ERMP1: variants seen among roughly 807,000 people sequenced by gnomAD.
The protein encoded by ERMP1 is Felix-ina.
Under a neutral mutation model 92.0 loss-of-function variants are expected in ERMP1, and 86 were observed. The observed-to-expected ratio is 0.93, with a 90% CI of 0.79 to 1.12. The LOEUF is 1.12. ERMP1 is among the 50% of genes most tolerant of loss of function. The probability of loss-of-function intolerance (pLI) is 0.00; values close to 1 mark genes in which losing one functional copy is unlikely to be tolerated. For synonymous variants in ERMP1, 530 were observed against 412.8 expected (o/e 1.28, Z -3.44); for missense variants, 1,342 against 1,116.3 (o/e 1.20, Z -2.88).
chr9:5,852,040 A>T (rs917628829), intron 6 of ERMP1, among the ~76,000 whole-genome samples: 2 of 152,200 alleles, frequency 1.3e-5, no homozygotes, highest in Admixed American at 6.5e-5. Context: ...GATTATATAG[A>T]CGTTTATGTC....
chr9:5,788,422 AGAAG>A (rs749563780), intron 13 of ERMP1, among the ~76,000 whole-genome samples: 6 of 152,230 alleles, frequency 3.9e-5, no homozygotes, highest in South Asian at 2.1e-4. Flanking sequence ...AAAATAAAAA[AGAAG>A]GAAGAGGAAT....
chr9:5,821,335 C>A (rs1563766592), intron 4 of ERMP1, among the ~76,000 whole-genome samples: 1 of 152,168 alleles, frequency 6.6e-6, no homozygotes, highest in Non-Finnish European at 1.5e-5. Context: ...TCACACACAG[C>A]CCAGTTCTAC....
chr9:5,808,264 A>G (rs988740829), intron 8 of ERMP1, among the ~76,000 whole-genome samples: 3 of 152,270 alleles, frequency 2.0e-5, no homozygotes, highest in Admixed American at 2.0e-4. Flanking sequence ...GTAAAAGTAC[A>G]TGAAATTTTA....
At chr9:5,806,848 T>C (rs1259968860) in intron 8 of ERMP1, among the ~76,000 whole-genome samples, 1 of 152,152 alleles carries the variant, frequency 6.6e-6, no homozygotes, top group African/African-American at 2.4e-5. Flanking sequence ...GAGAAATAGA[T>C]ATATTAAAGT....
chr9:5,794,421 A>T (rs1319485532), intron 13 of ERMP1, among the ~76,000 whole-genome samples: 3 of 152,198 alleles, frequency 2.0e-5, no homozygotes, highest in Non-Finnish European at 2.9e-5. Context: ...CAGAAGAAAT[A>T]ACTAGAACAG....
chr9:5,817,145 G>A (rs1829342795), intron 4 of ERMP1, among the ~76,000 whole-genome samples: 1 of 151,994 alleles, frequency 6.6e-6, no homozygotes, highest in Admixed American at 6.6e-5. Flanking sequence ...TGATCCGCCT[G>A]CCTCGGCCTC....
rs190873486 is a variant in ERMP1, at chr9:5,805,223, G to A, written c.1724-6C>T. On this transcript the variant is annotated splice_region_variant and splice_polypyrimidine_tract_variant and intron_variant, in intron 9 of 14. Coordinates refer to ENST00000339450, the MANE Select transcript of ERMP1 (RefSeq NM_024896.3). ...AATAAATTTTCCTTGGGCACCTAGG[G>A]AAAAAGAGAAAAAAAGCACACATCT... The A allele has an allele frequency of 9.4e-6, 15 of 1,588,130 alleles. No individual in the cohort carries two copies. The Admixed American group carries it at 1.8e-4, about 19-fold the overall frequency.
At chr9:5,829,070 C>A (rs1291564613) in intron 2 of ERMP1, among the ~76,000 whole-genome samples, 1 of 151,862 alleles carries the variant, frequency 6.6e-6, no homozygotes, top group East Asian at 1.9e-4. Context: ...ATGGTGAAAC[C>A]CTGTCGCTGC....
intron 1 of ERMP1, among the ~76,000 whole-genome samples, chr9:5,831,378 G>C (rs559687977): frequency 6.6e-6 from 1 of 152,174 alleles, no homozygotes; most frequent in African/African-American, 2.4e-5. Flanking sequence ...GGCTGAGGTG[G>C]GTGGATTGCT....
At chr9:5,811,845 A>T (rs1327588476) in intron 6 of ERMP1, among the ~76,000 whole-genome samples, 1 of 152,220 alleles carries the variant, frequency 6.6e-6, no homozygotes, top group Non-Finnish European at 1.5e-5. Flanking sequence ...GGAAAACATC[A>T]TGGGAGACTA....
intron 6 of ERMP1, among the ~76,000 whole-genome samples, chr9:5,811,815 A>G (rs1470628605): frequency 1.3e-5 from 2 of 152,236 alleles, no homozygotes; most frequent in Non-Finnish European, 2.9e-5. Flanking sequence ...AAAATTGAGG[A>G]GAGCTAGCAG....
chr9:5,812,271 G>C, intron 5 of ERMP1, 54 bp from the exon 6 acceptor site: 1 of 1,028,692 alleles, frequency 9.7e-7, no homozygotes, highest in Non-Finnish European at 1.4e-6. Flanking sequence ...GATCAACCTT[G>C]CTTTCGACCT....
chr9:5,855,078 T>G (rs72697337), intron 6 of ERMP1, among the ~76,000 whole-genome samples: 42,998 of 152,036 alleles, frequency 0.28, 6,401 homozygotes, highest in East Asian at 0.55. Context: ...TTGTTCTCAG[T>G]TCTTAGAAAG....
chr9:5,806,534 T>C (rs1828879143), intron 8 of ERMP1, among the ~76,000 whole-genome samples: 1 of 151,976 alleles, frequency 6.6e-6, no homozygotes, highest in Non-Finnish European at 1.5e-5. Flanking sequence ...CTCAAGTGAT[T>C]CTTCTGCCTC....
rs779963358 is a variant in ERMP1, at chr9:5,824,008, G to A, written c.769-7C>T. 2 of 1,597,482 alleles carry A rather than the reference G, an allele frequency of 1.3e-6. No individual in the cohort carries two copies. The highest frequency in any genetic ancestry group is 1.3e-5 in the African/African-American group (1 of 74,226). On this transcript the variant is annotated splice_region_variant and splice_polypyrimidine_tract_variant and intron_variant, in intron 3 of 14. Transcript: ENST00000339450. ...TAATGAAACCATGACTGGCCTTAAA[G>A]AGAAGGAAAGAAAACAAATATTTGT...
At chr9:5,791,181 G>C in intron 13 of ERMP1, 2 of 422,996 alleles carry the variant, frequency 4.7e-6, no homozygotes, top group South Asian at 3.4e-5. Flanking sequence ...CAGAGAGAAA[G>C]AGAGAGAGAG....
chr9:5,846,867 T>C (rs1336268802), intron 6 of ERMP1, among the ~76,000 whole-genome samples: 6 of 152,206 alleles, frequency 3.9e-5, no homozygotes, highest in Non-Finnish European at 7.3e-5. Context: ...AGCAGAATAG[T>C]TGATTTTCCT....
chr9:5,787,073 C>A lies in ERMP1; in HGVS notation c.*71G>T, dbSNP rs1168656831. On this transcript the variant is annotated 3_prime_UTR_variant, in exon 15 of 15. Coordinates refer to ENST00000339450, the MANE Select transcript of ERMP1 (RefSeq NM_024896.3). The stretch of plus-strand genomic sequence containing the variant: ...TTCATTGACTTACGTTACAAACATC[C>A]ACGTAACATAGGGAGAAACCATGTC... The A allele has an allele frequency of 1.4e-6, 2 of 1,399,402 alleles. No homozygotes were observed. The highest frequency in any genetic ancestry group is 1.4e-5 in the African/African-American group (1 of 69,312). The allele number at this position is 1,399,402 out of a possible 1,614,324, so 86.7% of individuals were successfully genotyped here.
chr9:5,818,721 AAAAAG>A (rs1004332465), intron 4 of ERMP1, among the ~76,000 whole-genome samples: 8 of 152,148 alleles, frequency 5.3e-5, no homozygotes, highest in Non-Finnish European at 1.0e-4. Flanking sequence ...TCAAAAAAAA[AAAAAG>A]AAAAGAAAAG....
Sources: gnomAD v4.1 joint callset for allele counts (sites outside exome capture counted in the v4.1 genomes callset) on GRCh38, gnomAD v4.1.1 for gene constraint, MANE v1.5 for transcripts, NCBI Gene and HGNC (gene_info 2026-07-23, HGNC 2026-07-21) for gene names.